The following SKOR2 variants were observed in gnomAD, a reference collection of about 807,000 sequenced individuals.
The protein encoded by SKOR2 is LBX1 corepressor 1-like protein.
SKOR2 carries 47 observed loss-of-function variants against 69.1 expected under a neutral mutation model. The ratio of observed to expected loss-of-function variants is 0.68; its 90% CI spans 0.54 to 0.87. The LOEUF is 0.87. Among genes scored for constraint, SKOR2 ranks in the 40% least tolerant of loss-of-function variants. SKOR2 has a pLI of 0.00. For synonymous variants in SKOR2, 717 were observed against 672.6 expected (o/e 1.07, Z -1.02); for missense variants, 1,404 against 1,472.2 (o/e 0.95, Z 0.76).
chr18:47,216,901 C>T (rs1038480413), intron 7 of SKOR2, among the ~76,000 whole-genome samples: 1 of 152,074 alleles, frequency 6.6e-6, no homozygotes, highest in Admixed American at 6.6e-5. Flanking sequence ...AGCATGCAAC[C>T]ATATTGACTG....
chr18:47,245,478 A>ATTTTTTTTTTTTTTTTT lies in SKOR2; in HGVS notation c.2677+3_2677+19dup, dbSNP rs10670977. 1,506 of 1,197,546 alleles carry ATTTTTTTTTTTTTTTTT rather than the reference A, an allele frequency of 1.3e-3. 117 individuals carry two copies. In the African/African-American group the frequency reaches 0.021, roughly 17 times the overall value. 74.2% of individuals were successfully genotyped at this position (1,197,546 alleles called of 1,614,324 possible). A position where few individuals can be genotyped will look rare whatever the true frequency, so the allele number is the denominator to read the frequency against. ...ATGCAGGCAAGAAAAGTGGCAGCTG[A>ATTTTTTTTTTTTTTTTT]TTTTTTTTTTTTTTTTTACCTGAAA... On this transcript the variant is annotated intron_variant, in intron 3 of 8. Coordinates refer to ENST00000425639, the MANE Select transcript of SKOR2 (RefSeq NM_001278063.4).
rs1233703214 is a variant in SKOR2 at position 47,247,097 on chromosome 18, G to A, written c.2087C>T (p.Pro696Leu). Residue 696 changes from proline to leucine, a missense_variant, in exon 2 of 9, where the codon CCG (proline) becomes CTG (leucine). Physicochemically the swap from Pro to Leu is moderately conservative, Grantham distance 98. Coordinates refer to ENST00000425639, the MANE Select transcript of SKOR2 (RefSeq NM_001278063.4). This position sits in a 1 kb window ranked among gnomAD's most constrained non-coding sequence, Gnocchi z 6.6. The stretch of plus-strand genomic sequence containing the variant: ...CGGCGGGGGCGGCGGCGGCGGCGGC[G>A]GCGGGGCCGGGTGGTGGCGCTCGGA... ...PGSERHHPAP[P>L]PPPPPPPPPP... 1.5e-6 allele frequency: 2 copies of A among 1,345,856 alleles called. No homozygotes were observed. Among genetic ancestry groups the A allele is most frequent in the Non-Finnish European group, 1.9e-6 (2 of 1,055,206 alleles). The allele number at this position is 1,345,856 out of a possible 1,614,324, so 83.4% of individuals were successfully genotyped here.
intron 4 of SKOR2, chr18:47,231,224 A>G: frequency 6.7e-7 from 1 of 1,498,336 alleles, no homozygotes; most frequent in Non-Finnish European, 8.9e-7. Context: ...CTGTGATGGC[A>G]GCTCCCGAAA....
chr18:47,222,594 C>T (rs1332049057), intron 6 of SKOR2, among the ~76,000 whole-genome samples: 2 of 152,172 alleles, frequency 1.3e-5, no homozygotes, highest in African/African-American at 2.4e-5. Flanking sequence ...CCGCAGGCCT[C>T]CAGGAAGATC....
At position 47,215,213 on chromosome 18, in the gene SKOR2, C is replaced by A. The variant is rs190963580; in HGVS notation, c.2986-3062G>T. On this transcript the variant is annotated intron_variant, in intron 7 of 8. Transcript: ENST00000425639. The stretch of plus-strand genomic sequence containing the variant: ...CTACTGCTAGAGAATTTTAAGGCAG[C>A]CTCCACAGAAGTTCAGGCTTGCATT... Among the ~76,000 whole-genome samples, 204 of 152,246 alleles carry A rather than the reference C, an allele frequency of 1.3e-3. 1 individual carries two copies. The highest frequency in any genetic ancestry group is 4.8e-3 in the African/African-American group (200 of 41,542).
intron 4 of SKOR2, among the ~76,000 whole-genome samples, chr18:47,231,469 A>C (rs1213895616): frequency 6.6e-6 from 1 of 152,170 alleles, no homozygotes; most frequent in Non-Finnish European, 1.5e-5. Context: ...GACACTGAAA[A>C]AGAAATGTGA....
Position 47,246,786 on chromosome 18 carries a change from G to T in SKOR2, c.2398C>A (p.Arg800=). The change falls in exon 2 of 9, where the codon CGG becomes AGG. Residue 800 remains arginine, a synonymous_variant. Coordinates refer to ENST00000425639, the MANE Select transcript of SKOR2 (RefSeq NM_001278063.4). ...GRGPSEKGSS[R]DRAPAVAGAF... is the part of the protein sequence containing the mutation. ...CCCGCGACGGCCGGCGCGCGGTCCC[G>T]GCTGCTCCCCTTCTCCGACGGCCCT... is the stretch of plus-strand genomic sequence containing the variant. 7.1e-7 allele frequency: 1 copy of T among 1,411,002 alleles called. No homozygotes were observed. The highest frequency in any genetic ancestry group is 1.5e-5 in the South Asian group (1 of 65,114). The allele number at this position is 1,411,002 out of a possible 1,614,324, so 87.4% of individuals were successfully genotyped here. A position where few individuals can be genotyped will look rare whatever the true frequency, so the allele number is the denominator to read the frequency against.
chr18:47,226,790 T>G (rs2144491660), intron 6 of SKOR2, among the ~76,000 whole-genome samples: 1 of 152,344 alleles, frequency 6.6e-6, no homozygotes, highest in South Asian at 2.1e-4. Flanking sequence ...AAGCACTTCA[T>G]GCCTTTCACT....
intron 7 of SKOR2, among the ~76,000 whole-genome samples, 159 bp from the exon 8 acceptor site, chr18:47,212,310 T>G (rs1323566442): frequency 1.3e-5 from 2 of 152,184 alleles, no homozygotes; most frequent in Non-Finnish European, 2.9e-5. Flanking sequence ...TTCTGGGGTA[T>G]AGCATCCTTA....
rs1462932272 is a variant in SKOR2 at position 47,249,121 on chromosome 18, G to A, written c.63C>T (p.Phe21=). The change falls in exon 2 of 9, where the codon TTC becomes TTT. Residue 21 remains phenylalanine, a synonymous_variant. Transcript: ENST00000425639. ...DILLASPSSA[F]QPDTLSQPRP... ...GCGGCTGGCTCAGCGTGTCGGGCTG[G>A]AAGGCGCTCGACGGCGACGCCAGCA... 3 of 1,535,908 alleles carry A rather than the reference G, an allele frequency of 2.0e-6. No homozygotes were observed. Among genetic ancestry groups the A allele is most frequent in the South Asian group, 2.4e-5 (2 of 84,050 alleles).
chr18:47,249,015 C>G lies in SKOR2; in HGVS notation c.169G>C (p.Asp57His). The change falls in exon 2 of 9, where the codon GAC becomes CAC. Residue 57 changes from aspartate (D) to histidine (H), a missense_variant. Asp to His is a moderately conservative substitution (Grantham distance 81, BLOSUM62 -1). Around this residue, in one of 3 missense-constraint regions of SKOR2, gnomAD observed 104 missense variants for 95.7 expected, o/e 1.09. Transcript: ENST00000425639. ...GCCAGGCACAGGCGCTCTTGCCCGTCGATCACCAACGACACGATGGGAATG... is the reference window on the plus strand; with the variant it reads ...GCCAGGCACAGGCGCTCTTGCCCGTGGATCACCAACGACACGATGGGAATG... Reference protein sequence around the residue: ...YGIPIVSLVIDGQERLCLAQI... With the variant: ...YGIPIVSLVIHGQERLCLAQI... 6.5e-7 allele frequency: 1 copy of G among 1,544,442 alleles called. No homozygotes were observed. The highest frequency in any genetic ancestry group is 8.7e-7 in the Non-Finnish European group (1 of 1,151,034).
intron 4 of SKOR2, among the ~76,000 whole-genome samples, chr18:47,239,635 A>AT (rs1179041483): frequency 6.6e-6 from 1 of 151,872 alleles, no homozygotes; most frequent in Non-Finnish European, 1.5e-5. Context: ...ATGCTGTTTA[A>AT]TTTTTTTTCC....
chr18:47,215,499 C>T (rs768664082), intron 7 of SKOR2, among the ~76,000 whole-genome samples: 11 of 152,098 alleles, frequency 7.2e-5, no homozygotes, highest in Admixed American at 2.6e-4. Flanking sequence ...TGTGTCCTTG[C>T]CAAAGAACAA....
At chr18:47,223,280 G>A (rs1468055723) in intron 6 of SKOR2, among the ~76,000 whole-genome samples, 1 of 152,042 alleles carries the variant, frequency 6.6e-6, no homozygotes, top group African/African-American at 2.4e-5. Context: ...CTAGACACAT[G>A]AAAAATGTTC....
At chr18:47,214,576 C>T (rs1347204697) in intron 7 of SKOR2, among the ~76,000 whole-genome samples, 1 of 152,120 alleles carries the variant, frequency 6.6e-6, no homozygotes, top group Non-Finnish European at 1.5e-5. Flanking sequence ...AGTAGCATGG[C>T]CAGTTGTTCC....
chr18:47,213,173 C>A (rs1304083588), intron 7 of SKOR2, among the ~76,000 whole-genome samples: 1 of 151,906 alleles, frequency 6.6e-6, no homozygotes, highest in Admixed American at 6.6e-5. Flanking sequence ...TCTCCACTAA[C>A]CCCCGTTAAG....
At chr18:47,218,589 C>CA (rs57860548) in intron 7 of SKOR2, among the ~76,000 whole-genome samples, 7,574 of 88,150 alleles carry the variant, frequency 0.086, 944 homozygotes, top group African/African-American at 0.27. Flanking sequence ...GACCCTGTCT[C>CA]AAAAAAAAAA....
At chr18:47,233,449 G>C (rs117001748) in intron 4 of SKOR2, among the ~76,000 whole-genome samples, 23 of 152,318 alleles carry the variant, frequency 1.5e-4, no homozygotes, top group Non-Finnish European at 2.6e-4. Flanking sequence ...AGTATTTTGA[G>C]ATGAAGATAC....
chr18:47,217,778 A>AT (rs1169742156), intron 7 of SKOR2, among the ~76,000 whole-genome samples: 4 of 130,506 alleles, frequency 3.1e-5, no homozygotes, highest in Non-Finnish European at 4.7e-5. Flanking sequence ...GATTTCACCA[A>AT]TTTTCATGTT....
Sources: gnomAD v4.1 joint callset for allele counts (sites outside exome capture counted in the v4.1 genomes callset) on GRCh38, gnomAD v4.1.1 for gene constraint, gnomAD v4.1.1 regional missense constraint, Gnocchi (gnomAD v3.1) non-coding constraint, MANE v1.5 for transcripts, NCBI Gene and HGNC (gene_info 2026-07-23, HGNC 2026-07-21) for gene names.